CCDC30: variants seen among roughly 807,000 people sequenced by gnomAD.
CCDC30 encodes the protein coiled-coil domain containing 30.
A neutral mutation model predicts 100.2 loss-of-function variants in CCDC30; 70 were observed. The ratio of observed to expected loss-of-function variants is 0.70; its 90% CI spans 0.58 to 0.85. The LOEUF is 0.85. Ranked by LOEUF, CCDC30 falls within the 40% of genes least tolerant of loss-of-function variation. The pLI, the probability that CCDC30 is intolerant of heterozygous loss-of-function variation, is 0.00. For synonymous variants in CCDC30, 233 were observed against 269.5 expected (o/e 0.86, Z 1.33); for missense variants, 652 against 771.2 (o/e 0.85, Z 1.83).
intron 6 of CCDC30, 132 bp from the exon 7 acceptor site, chr1:42,536,344 A>G (rs1266199113): frequency 5.4e-6 from 3 of 554,256 alleles, no homozygotes; most frequent in Non-Finnish European, 9.3e-6. Context: ...CTTATGAGCT[A>G]TAAACTAGTT....
intron 15 of CCDC30, among the ~76,000 whole-genome samples, chr1:42,649,527 C>G (rs958235035): frequency 6.6e-6 from 1 of 152,128 alleles, no homozygotes; most frequent in Admixed American, 6.5e-5. Context: ...AGCTTTTTCT[C>G]AAAGATCAAG....
At chr1:42,653,624 T>C (rs1648536729) in intron 16 of CCDC30, among the ~76,000 whole-genome samples, 181 bp downstream of exon 20, 1 of 152,196 alleles carries the variant, frequency 6.6e-6, no homozygotes, top group East Asian at 1.9e-4. Context: ...TGCCACTCCT[T>C]CAACTCTAAA....
intron 6 of CCDC30, among the ~76,000 whole-genome samples, chr1:42,562,900 T>G (rs1257138917): frequency 1.3e-5 from 2 of 152,222 alleles, no homozygotes; most frequent in African/African-American, 4.8e-5. Context: ...AAAACCACAA[T>G]GAGATACCAT....
At chr1:42,598,646 T>C (rs1256426450) in intron 10 of CCDC30, among the ~76,000 whole-genome samples, 2 of 152,106 alleles carry the variant, frequency 1.3e-5, no homozygotes, top group Non-Finnish European at 2.9e-5. Context: ...AATCAAATTA[T>C]ATTAATAATC....
chr1:42,646,083 A>C, intron 14 of CCDC30, 52 bp from the exon 19 acceptor site: 1 of 1,514,764 alleles, frequency 6.6e-7, no homozygotes, highest in Non-Finnish European at 8.8e-7. Context: ...CTAACTTCTA[A>C]CATCTTGATA....
intron 11 of CCDC30, among the ~76,000 whole-genome samples, chr1:42,617,385 C>T (rs564795389): frequency 6.6e-6 from 1 of 152,212 alleles, no homozygotes; most frequent in Admixed American, 6.5e-5. Flanking sequence ...TTTAATATTC[C>T]AGTATAGGAT....
intron 6 of CCDC30, among the ~76,000 whole-genome samples, 198 bp from the exon 7 acceptor site, chr1:42,536,278 C>G (rs1406123884): frequency 6.6e-6 from 1 of 152,010 alleles, no homozygotes; most frequent in African/African-American, 2.4e-5. Context: ...GTAGGTAGAA[C>G]AAGTGTTACT....
intron 11 of CCDC30, among the ~76,000 whole-genome samples, chr1:42,634,046 C>T (rs1647094579): frequency 6.6e-6 from 1 of 151,938 alleles, no homozygotes; most frequent in African/African-American, 2.4e-5. Context: ...GGCAACCGCC[C>T]CCATGATTCA....
chr1:42,573,613 G>T (rs771952659), intron 7 of CCDC30, among the ~76,000 whole-genome samples: 25 of 151,970 alleles, frequency 1.6e-4, no homozygotes, highest in Non-Finnish European at 2.9e-4. Flanking sequence ...GGCTACCACA[G>T]TGCTGAATAG....
chr1:42,456,320 G>C, the CCDC30 span: 1 of 598,900 alleles, frequency 1.7e-6, no homozygotes, highest in Non-Finnish European at 2.9e-6. Flanking sequence ...GGAAACGAAC[G>C]TGAGGGAACG....
intron 9 of CCDC30, among the ~76,000 whole-genome samples, chr1:42,582,948 A>T (rs1216442074): frequency 6.6e-6 from 1 of 152,244 alleles, no homozygotes; most frequent in Non-Finnish European, 1.5e-5. Flanking sequence ...TCAAGTGGAA[A>T]GTTTGCTAAA....
chr1:42,638,402 T>C (rs1040005159), intron 12 of CCDC30, among the ~76,000 whole-genome samples: 2 of 151,876 alleles, frequency 1.3e-5, no homozygotes, highest in African/African-American at 4.8e-5. Flanking sequence ...CTCTAAACTA[T>C]AGTGAGAGAA....
At chr1:42,457,469 A>G in the CCDC30 span, 1 of 855,188 alleles carries the variant, frequency 1.2e-6, no homozygotes, top group Non-Finnish European at 1.9e-6. Context: ...GGATACAGAG[A>G]TGAATAAGAC....
At chr1:42,509,522 AT>A (rs972265623) in intron 6 of CCDC30, among the ~76,000 whole-genome samples, 34 of 152,264 alleles carry the variant, frequency 2.2e-4, no homozygotes, top group African/African-American at 7.5e-4. Context: ...GACAGTCACC[AT>A]TTTACAATGG....
At chr1:42,644,804 A>G (rs2148689815) in exon 14 of CCDC30, 4 of 1,598,768 alleles carry the variant, frequency 2.5e-6, no homozygotes, top group Non-Finnish European at 3.4e-6. Context: ...TTCGCAGAGG[A>G]GAGGTAAGAT....
At chr1:42,507,062 G>C (rs1408651125) in intron 6 of CCDC30, among the ~76,000 whole-genome samples, 1 of 152,132 alleles carries the variant, frequency 6.6e-6, no homozygotes, top group East Asian at 1.9e-4. Context: ...AAGTAGTTGG[G>C]ATTACTGGTA....
intron 2 of CCDC30, 57 bp downstream of exon 2, chr1:42,480,623 A>G (rs1209353413): frequency 1.0e-6 from 1 of 985,078 alleles, no homozygotes; most frequent in Admixed American, 6.2e-5. Context: ...TGATTTATGT[A>G]CGTTTCATTT....
At chr1:42,491,896 G>A (rs1474706785) in intron 4 of CCDC30, 6 of 469,600 alleles carry the variant, frequency 1.3e-5, no homozygotes, top group Admixed American at 5.8e-5. Context: ...ACCAGGACTC[G>A]AGGAACCAAA....
At chr1:42,524,877 G>T (rs1047300798) in intron 6 of CCDC30, among the ~76,000 whole-genome samples, 11 of 152,222 alleles carry the variant, frequency 7.2e-5, no homozygotes, top group African/African-American at 2.7e-4. Context: ...TGGAGAGACA[G>T]ATTTCTGGTG....
Sources: gnomAD v4.1 joint callset for allele counts (sites outside exome capture counted in the v4.1 genomes callset) on GRCh38, gnomAD v4.1.1 for gene constraint, MANE v1.5 for transcripts, NCBI Gene and HGNC (gene_info 2026-07-23, HGNC 2026-07-21) for gene names.